Variants in GNL2 observed in about 807,000 individuals in gnomAD.
GNL2 encodes the protein nucleolar GTP-binding protein 2.
Under a neutral mutation model 92.3 loss-of-function variants are expected in GNL2, and 51 were observed. The ratio of observed to expected loss-of-function variants is 0.55; its 90% CI spans 0.44 to 0.70. The LOEUF is 0.70. Among genes scored for constraint, GNL2 ranks in the 30% least tolerant of loss-of-function variants. The pLI is 0.00. For synonymous variants in GNL2, 283 were observed against 300.6 expected (o/e 0.94, Z 0.61); for missense variants, 844 against 895.6 (o/e 0.94, Z 0.74).
intron 6 of GNL2, among the ~76,000 whole-genome samples, 164 bp downstream of exon 6, chr1:37,583,703 T>C (rs917940520): frequency 6.6e-6 from 1 of 152,166 alleles, no homozygotes; most frequent in Non-Finnish European, 1.5e-5. Flanking sequence ...CCTAGATCAA[T>C]GGTAGTACGC....
chr1:37,581,790 C>CA (rs1432938600), intron 8 of GNL2, among the ~76,000 whole-genome samples: 2 of 151,928 alleles, frequency 1.3e-5, no homozygotes, highest in African/African-American at 2.4e-5. Context: ...TCAGTCTCCC[C>CA]AGTAGCTGGG....
intron 4 of GNL2, among the ~76,000 whole-genome samples, chr1:37,588,645 A>AT (rs1321530927): frequency 1.1e-4 from 16 of 152,050 alleles, no homozygotes; most frequent in Admixed American, 3.9e-4. Context: ...ATTAGTAAGT[A>AT]TAACACACAT....
Position 37,576,499 on chromosome 1 carries a change from T to C in GNL2, c.967A>G (p.Lys323Glu). The C allele has an allele frequency of 6.2e-7, 1 of 1,614,150 alleles. No individual in the cohort carries two copies. The change falls in exon 9 of 16, where the codon AAG (lysine) becomes GAG (glutamate). Residue 323 changes from lysine (K) to glutamate (E), a missense_variant. Lys to Glu is a moderately conservative substitution (Grantham distance 56, BLOSUM62 1). Transcript: ENST00000373062. ...VGFIGYPNVG[K>E]SSVINTLRSK... ...CGCAATGTATTTATCACAGAGCTCT[T>C]GCCAACATTTGGATAGCCAATGAAC...
chr1:37,570,821 G>A (rs1165368019), intron 12 of GNL2: 1 of 152,204 alleles, frequency 6.6e-6, no homozygotes, highest in Non-Finnish European at 1.5e-5. Context: ...GTTCATTAGA[G>A]AACTAAGTCT....
rs762249780 is a variant in GNL2, at chr1:37,593,782, C to T, written c.129G>A (p.Met43Ile). Residue 43 changes from methionine to isoleucine, a missense_variant, in exon 2 of 16, where the codon ATG (methionine) becomes ATA (isoleucine). Met to Ile is a conservative substitution (Grantham distance 10). Transcript: ENST00000373062. ...RDRATIRRLNMYRQKERRNSR... is the reference protein window; with the variant it reads ...RDRATIRRLNIYRQKERRNSR... The stretch of plus-strand genomic sequence containing the variant: ...CTCACCTGCGCTCCTTTTGCCTATA[C>T]ATATTCAGGCGCCGGATGGTGGCCC... The T allele has an allele frequency of 3.1e-6, 5 of 1,613,654 alleles. No individual in the cohort carries two copies. In the African/African-American group the frequency reaches 4.0e-5, roughly 13 times the overall value.
At chr1:37,587,577 C>G in intron 4 of GNL2, 82 bp from the exon 5 acceptor site, 1 of 858,522 alleles carries the variant, frequency 1.2e-6, no homozygotes, top group Non-Finnish European at 1.8e-6. Context: ...CTAGGAAAGA[C>G]TTTCTGATTT....
Position 37,587,325 on chromosome 1 carries a change from T to C in GNL2, c.555A>G (p.Glu185=). Reference sequence around the variant, plus strand: ...AAAAAATGTACCTCACACCAGTGTCTTCAGTTACCAAATCACGATCCTTGC... The same window carrying C: ...AAAAAATGTACCTCACACCAGTGTCCTCAGTTACCAAATCACGATCCTTGC... ...DQGKDRDLVT[E]DTGVRNEAQE... is the part of the protein sequence containing the mutation. Residue 185 remains glutamate, a synonymous_variant, in exon 5 of 16, where the codon GAA becomes GAG. Coordinates refer to ENST00000373062, the MANE Select transcript of GNL2 (RefSeq NM_013285.3). 2 of 1,596,792 alleles carry C rather than the reference T, an allele frequency of 1.3e-6. No individual in the cohort carries two copies. The highest frequency in any genetic ancestry group is 1.4e-5 in the African/African-American group (1 of 73,884).
At chr1:37,591,470 A>T (rs113128647) in intron 3 of GNL2, among the ~76,000 whole-genome samples, 2 of 151,398 alleles carry the variant, frequency 1.3e-5, no homozygotes, top group African/African-American at 4.9e-5. Context: ...ACTATTTGCT[A>T]GGCGCTATTC....
intron 3 of GNL2, among the ~76,000 whole-genome samples, chr1:37,591,410 A>G (rs1643886477): frequency 2.0e-5 from 3 of 152,240 alleles, no homozygotes; most frequent in Admixed American, 2.0e-4. Flanking sequence ...GCATAAATGC[A>G]AAACAGCAAG....
At chr1:37,592,559 C>A (rs1643893954) in intron 3 of GNL2, among the ~76,000 whole-genome samples, 153 bp downstream of exon 3, 1 of 152,226 alleles carries the variant, frequency 6.6e-6, no homozygotes, top group South Asian at 2.1e-4. Context: ...TTGACCACCA[C>A]TACTTTTCCC....
chr1:37,579,828 G>A (rs1427493269), intron 8 of GNL2, among the ~76,000 whole-genome samples: 4 of 148,454 alleles, frequency 2.7e-5, no homozygotes, highest in African/African-American at 5.0e-5. Context: ...CCCGGGAGGC[G>A]GAGGCTGCAG....
intron 12 of GNL2, chr1:37,570,381 T>C (rs1570048750): frequency 6.6e-6 from 1 of 152,086 alleles, no homozygotes; most frequent in Non-Finnish European, 1.5e-5. Flanking sequence ...AATACAAAAA[T>C]TAGCTGGGCC....
intron 8 of GNL2, among the ~76,000 whole-genome samples, chr1:37,579,114 A>G (rs937545970): frequency 2.6e-5 from 4 of 152,194 alleles, no homozygotes; most frequent in Non-Finnish European, 5.9e-5. Context: ...AAATTTCAAA[A>G]CGTCATTAAT....
chr1:37,581,628 T>G (rs1384032221), intron 8 of GNL2: 1 of 402,006 alleles, frequency 2.5e-6, no homozygotes, highest in East Asian at 7.3e-5. Context: ...CTTATAATCC[T>G]GATGCTCTGT....
chr1:37,587,009 G>A (rs1643858916), intron 5 of GNL2, among the ~76,000 whole-genome samples: 1 of 152,176 alleles, frequency 6.6e-6, no homozygotes, highest in African/African-American at 2.4e-5. Flanking sequence ...GCTCACACCT[G>A]TAATCCTAGC....
chr1:37,568,427 C>T lies in GNL2; in HGVS notation c.1869-70G>A, dbSNP rs113099996. The T allele has an allele frequency of 1.5e-3, 1,455 of 968,758 alleles. 17 individuals are homozygous for T. The African/African-American group carries it at 0.02, about 13-fold the overall frequency. 60.0% of individuals were successfully genotyped at this position (968,758 alleles called of 1,614,324 possible). On this transcript the variant is annotated intron_variant, in intron 13 of 15. Coordinates refer to ENST00000373062, the MANE Select transcript of GNL2 (RefSeq NM_013285.3). ...AATCACATACTGACCTGGAGACCTG[C>T]GACAAACTCACAGACTAAAGAAACC... is the stretch of plus-strand genomic sequence containing the variant.
At chr1:37,567,129 C>G in intron 15 of GNL2, 122 bp from the exon 16 acceptor site, 1 of 1,008,262 alleles carries the variant, frequency 9.9e-7, no homozygotes, top group Non-Finnish European at 1.4e-6. Context: ...TCCACAGCTA[C>G]TGGAAGCAGT....
intron 3 of GNL2, among the ~76,000 whole-genome samples, chr1:37,591,499 T>C (rs951554621): frequency 6.6e-6 from 1 of 151,636 alleles, no homozygotes; most frequent in Non-Finnish European, 1.5e-5. Context: ...TTATATATAT[T>C]TACTCTTTTT....
At chr1:37,595,432 A>G (rs925818035) in intron 1 of GNL2, among the ~76,000 whole-genome samples, 1 of 152,182 alleles carries the variant, frequency 6.6e-6, no homozygotes, top group Non-Finnish European at 1.5e-5. Flanking sequence ...GGGTCAACCT[A>G]CACCATTTTT....
Sources: allele counts gnomAD v4.1 joint callset (sites outside exome capture counted in the v4.1 genomes callset), GRCh38; gene constraint gnomAD v4.1.1; transcripts MANE v1.5; gene names NCBI Gene and HGNC (gene_info 2026-07-23, HGNC 2026-07-21).